Variants in CHRM4 observed in about 807,000 individuals in gnomAD.
CHRM4 encodes muscarinic acetylcholine receptor M4.
CHRM4 carries 5 observed loss-of-function variants against 26.3 expected under a neutral mutation model. The ratio of observed to expected loss-of-function variants is 0.19; its 90% CI spans 0.10 to 0.40. CHRM4 has a LOEUF of 0.40. Ranked by LOEUF, CHRM4 falls within the 10% of genes least tolerant of loss-of-function variation. The pLI, the probability that CHRM4 is intolerant of heterozygous loss-of-function variation, is 1.00. For synonymous variants in CHRM4, 290 were observed against 285.3 expected (o/e 1.02, Z -0.16); for missense variants, 402 against 664.5 (o/e 0.60, Z 4.34).
At chr11:46,387,122 G>T (rs1362835355) in intron 1 of CHRM4, among the ~76,000 whole-genome samples, 1 of 143,328 alleles carries the variant, frequency 7.0e-6, no homozygotes, top group Non-Finnish European at 1.6e-5. Flanking sequence ...GAGCATGTGG[G>T]CTCTGGAGGG....
rs1945392542 is a variant in CHRM4, at chr11:46,391,496, G to A, written c.-30+35C>T. 1.3e-5 allele frequency among the ~76,000 whole-genome samples: 2 copies of A among 152,052 alleles called. No individual in the cohort carries two copies. Among genetic ancestry groups the A allele is most frequent in the Admixed American group, 1.3e-4 (2 of 15,286 alleles). On this transcript the variant is annotated intron_variant, in intron 1 of 1. Transcript: ENST00000682254. The surrounding 1 kb of genome is among the most constrained non-coding windows in gnomAD (Gnocchi z 6.3). Reference sequence around the variant, plus strand: ...CCGCTCCCGGCCCGCGCTCGCCCCGGAGGGGGTCTGGCGCCCTGTCCCAGT... The same window carrying A: ...CCGCTCCCGGCCCGCGCTCGCCCCGAAGGGGGTCTGGCGCCCTGTCCCAGT...
chr11:46,390,120 TGCCG>T (rs1945378452), intron 1 of CHRM4, among the ~76,000 whole-genome samples: 1 of 152,066 alleles, frequency 6.6e-6, no homozygotes, highest in African/African-American at 2.4e-5. Context: ...CAAACGCCCC[TGCCG>T]GAGACTCAGC....
chr11:46,386,828 A>G lies in CHRM4; in HGVS notation c.-29-242T>C, dbSNP rs1423463707. Reference sequence around the variant, plus strand: ...TAAGACACACATGGCCCCCTGCCTCATGGGGGGAGACATGCAAACACGTGA... The same window carrying G: ...TAAGACACACATGGCCCCCTGCCTCGTGGGGGGAGACATGCAAACACGTGA... On this transcript the variant is annotated intron_variant, in intron 1 of 1. Transcript: ENST00000682254. This position sits in a 1 kb window ranked among gnomAD's most constrained non-coding sequence, Gnocchi z 5.8. Among the ~76,000 whole-genome samples, 1 of 152,106 alleles carries G rather than the reference A, an allele frequency of 6.6e-6. No individual in the cohort carries two copies. The highest frequency in any genetic ancestry group is 1.5e-5 in the Non-Finnish European group (1 of 68,000).
rs1945346233 is a variant in CHRM4, at chr11:46,386,834, G to A, written c.-29-248C>T. 6.6e-6 allele frequency among the ~76,000 whole-genome samples: 1 copy of A among 152,178 alleles called. No individual in the cohort carries two copies. The highest frequency in any genetic ancestry group is 1.5e-5 in the Non-Finnish European group (1 of 68,028). On this transcript the variant is annotated intron_variant, in intron 1 of 1. Coordinates refer to ENST00000682254, the MANE Select transcript of CHRM4 (RefSeq NM_000741.5). This position sits in a 1 kb window ranked among gnomAD's most constrained non-coding sequence, Gnocchi z 5.8. ...ACACATGGCCCCCTGCCTCATGGGG[G>A]GAGACATGCAAACACGTGAGCCACA...
At chr11:46,389,654 C>T (rs1161767407) in intron 1 of CHRM4, among the ~76,000 whole-genome samples, 7 of 152,208 alleles carry the variant, frequency 4.6e-5, no homozygotes, top group Admixed American at 4.6e-4. Context: ...AATGCGACTG[C>T]GAACCCAGAG....
Position 46,391,242 on chromosome 11 carries a change from G to C in CHRM4, c.-30+289C>G, listed in dbSNP as rs1193244840. 6.6e-6 allele frequency among the ~76,000 whole-genome samples: 1 copy of C among 151,998 alleles called. No homozygotes were observed. Among genetic ancestry groups the C allele is most frequent in the African/African-American group, 2.4e-5 (1 of 41,392 alleles). On this transcript the variant is annotated intron_variant, in intron 1 of 1. Transcript: ENST00000682254. This position sits in a 1 kb window ranked among gnomAD's most constrained non-coding sequence, Gnocchi z 6.3. ...GGAGACGGCGGGAAAAGGGCTCTTT[G>C]GGGCTTCAGCGCCCGGCGCCCTGCT... is the stretch of plus-strand genomic sequence containing the variant.
At position 46,391,031 on chromosome 11, in the gene CHRM4, G is replaced by A. The variant is rs1945386286; in HGVS notation, c.-30+500C>T. Among the ~76,000 whole-genome samples the A allele has an allele frequency of 6.6e-6, 1 of 151,988 alleles. No homozygotes were observed. The highest frequency in any genetic ancestry group is 2.4e-5 in the African/African-American group (1 of 41,392). Reference sequence around the variant, plus strand: ...TTCCGTTGCGGGGCCGGAGGAGGGGGCCTGGAGCTGGAGGACCCCGGCTTG... The same window carrying A: ...TTCCGTTGCGGGGCCGGAGGAGGGGACCTGGAGCTGGAGGACCCCGGCTTG... On this transcript the variant is annotated intron_variant, in intron 1 of 1. Transcript: ENST00000682254. The surrounding 1 kb of genome is among the most constrained non-coding windows in gnomAD (Gnocchi z 6.3).
rs1468554011 is a variant in CHRM4 at position 46,391,320 on chromosome 11, CT to C, written c.-30+210del. On this transcript the variant is annotated intron_variant, in intron 1 of 1. Transcript: ENST00000682254. The surrounding 1 kb of genome is among the most constrained non-coding windows in gnomAD (Gnocchi z 6.3). ...AGGGTCCCACCCCCGACGGCTGCCC[CT>C]GGCTCCGTGGGGTCTGTGGGCGGGC... 2.6e-5 allele frequency among the ~76,000 whole-genome samples: 4 copies of C among 152,080 alleles called. No homozygotes were observed. The highest frequency in any genetic ancestry group is 4.4e-5 in the Non-Finnish European group (3 of 67,984).
chr11:46,384,995 CT>C lies in CHRM4; in HGVS notation c.*122del. On this transcript the variant is annotated 3_prime_UTR_variant, in exon 2 of 2. Coordinates refer to ENST00000682254, the MANE Select transcript of CHRM4 (RefSeq NM_000741.5). ...ATGCAGCCACAGAGCCTCTTCTGAACTTCCTCCTCAGCAAACGTGAACGCAG... is the reference window on the plus strand; with the variant it reads ...ATGCAGCCACAGAGCCTCTTCTGAACTCCTCCTCAGCAAACGTGAACGCAG... The C allele has an allele frequency of 7.2e-7, 1 of 1,394,946 alleles. No homozygotes were observed. The highest frequency in any genetic ancestry group is 1.4e-5 in the South Asian group (1 of 69,760). The allele number at this position is 1,394,946 out of a possible 1,614,324, so 86.4% of individuals were successfully genotyped here. A position where few individuals can be genotyped will look rare whatever the true frequency, so the allele number is the denominator to read the frequency against.
At chr11:46,390,228 G>C (rs1454360200) in intron 1 of CHRM4, among the ~76,000 whole-genome samples, 3 of 152,176 alleles carry the variant, frequency 2.0e-5, no homozygotes, top group African/African-American at 7.2e-5. Context: ...TTGTGCGGGC[G>C]AGGAGGCCAG....
At chr11:46,387,380 C>T (rs1409825094) in intron 1 of CHRM4, among the ~76,000 whole-genome samples, 1 of 152,212 alleles carries the variant, frequency 6.6e-6, no homozygotes, top group African/African-American at 2.4e-5. Flanking sequence ...AAGCCATCCT[C>T]TCACCTCCTG....
chr11:46,388,320 C>A (rs1364053187), intron 1 of CHRM4, among the ~76,000 whole-genome samples: 1 of 152,270 alleles, frequency 6.6e-6, no homozygotes, highest in Non-Finnish European at 1.5e-5. Flanking sequence ...CGATCCACTG[C>A]CCCTTCCTGC....
chr11:46,383,815 T>C lies in CHRM4; in HGVS notation c.*1303A>G, dbSNP rs1364596049. 2.3e-6 allele frequency: 1 copy of C among 427,332 alleles called. No individual in the cohort carries two copies. Among genetic ancestry groups the C allele is most frequent in the South Asian group, 2.1e-5 (1 of 48,316 alleles). 26.5% of individuals were successfully genotyped at this position (427,332 alleles called of 1,614,324 possible). A position where few individuals can be genotyped will look rare whatever the true frequency, so the allele number is the denominator to read the frequency against. ...TTTTCCCCCCAATAAAAGCTCTTCT[T>C]TTTTAATATATAAAAGCCCCTTCCC... is the stretch of plus-strand genomic sequence containing the variant. On this transcript the variant is annotated 3_prime_UTR_variant, in exon 2 of 2. Coordinates refer to ENST00000682254, the MANE Select transcript of CHRM4 (RefSeq NM_000741.5).
intron 1 of CHRM4, among the ~76,000 whole-genome samples, chr11:46,389,480 T>G (rs1051381563): frequency 6.6e-6 from 1 of 152,214 alleles, no homozygotes; most frequent in African/African-American, 2.4e-5. Context: ...CCGCAGACAT[T>G]CCGACCCCCT....
rs1945394436 is a variant in CHRM4 at position 46,391,638 on chromosome 11, C to A, written c.-137G>T. Among the ~76,000 whole-genome samples the A allele has an allele frequency of 6.6e-6, 1 of 150,808 alleles. No homozygotes were observed. Among genetic ancestry groups the A allele is most frequent in the Admixed American group, 6.6e-5 (1 of 15,148 alleles). ...ACTTACCCGCCGCCTCTGCCCAGCT[C>A]CCCTCGCGCCAGACAGACGGCGGGA... On this transcript the variant is annotated 5_prime_UTR_variant, in exon 1 of 2. Transcript: ENST00000682254. This position sits in a 1 kb window ranked among gnomAD's most constrained non-coding sequence, Gnocchi z 6.3.
rs1590685555 is a variant in CHRM4, at chr11:46,391,377, A to C, written c.-30+154T>G. On this transcript the variant is annotated intron_variant, in intron 1 of 1. Coordinates refer to ENST00000682254, the MANE Select transcript of CHRM4 (RefSeq NM_000741.5). This position sits in a 1 kb window ranked among gnomAD's most constrained non-coding sequence, Gnocchi z 6.3. The stretch of plus-strand genomic sequence containing the variant: ...CCCGCCCCCGACATCCTGGATGCCC[A>C]CCCCTTCCCACGGGCGCACCCGGGC... Among the ~76,000 whole-genome samples, 1 of 149,614 alleles carries C rather than the reference A, an allele frequency of 6.7e-6. No individual in the cohort carries two copies. The highest frequency in any genetic ancestry group is 1.5e-5 in the Non-Finnish European group (1 of 67,454).
rs763683076 is a variant in CHRM4 at position 46,386,660 on chromosome 11, C to A, written c.-29-74G>T. Reference sequence around the variant, plus strand: ...GAGTCATCTGGAGGTACACTGGATTCAAGGTGACAGAGGGACATTCTCTGG... The same window carrying A: ...GAGTCATCTGGAGGTACACTGGATTAAAGGTGACAGAGGGACATTCTCTGG... On this transcript the variant is annotated intron_variant, in intron 1 of 1. Coordinates refer to ENST00000682254, the MANE Select transcript of CHRM4 (RefSeq NM_000741.5). This position sits in a 1 kb window ranked among gnomAD's most constrained non-coding sequence, Gnocchi z 5.8. The A allele has an allele frequency of 3.7e-5, 52 of 1,413,542 alleles. No individual in the cohort carries two copies. Among genetic ancestry groups the A allele is most frequent in the Non-Finnish European group, 4.8e-5 (50 of 1,032,588 alleles). 87.6% of individuals were successfully genotyped at this position (1,413,542 alleles called of 1,614,324 possible).
chr11:46,389,133 C>T (rs1186531961), intron 1 of CHRM4, among the ~76,000 whole-genome samples: 1 of 152,228 alleles, frequency 6.6e-6, no homozygotes, highest in African/African-American at 2.4e-5. Flanking sequence ...GAAGCTCCTT[C>T]TTAAAGTCCA....
chr11:46,387,021 G>A (rs1945348231), intron 1 of CHRM4, among the ~76,000 whole-genome samples: 1 of 143,368 alleles, frequency 7.0e-6, no homozygotes, highest in Admixed American at 7.1e-5. Flanking sequence ...CCACAGCAAA[G>A]GCCTGGAGGC....
Sources: allele counts gnomAD v4.1 joint callset (sites outside exome capture counted in the v4.1 genomes callset), GRCh38; gene constraint gnomAD v4.1.1; non-coding constraint Gnocchi (gnomAD v3.1); transcripts MANE v1.5; gene names NCBI Gene and HGNC (gene_info 2026-07-23, HGNC 2026-07-21).